Variants in NECAP1 observed in about 807,000 individuals in gnomAD.
NECAP1 encodes adaptin ear-binding coat-associated protein 1.
In NECAP1, 13 loss-of-function variants were observed where a neutral mutation model predicts 33.4. The observed-to-expected ratio is 0.39, with a 90% CI of 0.25 to 0.62. The LOEUF (loss-of-function observed/expected upper bound fraction) is 0.62. Ranked by LOEUF, NECAP1 falls within the 20% of genes least tolerant of loss-of-function variation. The pLI, the probability that NECAP1 is intolerant of heterozygous loss-of-function variation, is 0.52. For missense variants in NECAP1, 272 were observed against 347.4 expected (o/e 0.78, Z 1.73); for synonymous variants, 109 against 125.2 (o/e 0.87, Z 0.86).
In NECAP1 at chr12:8,092,910, G is replaced by C; in HGVS notation, c.531G>C (p.Arg177Ser). The C allele has an allele frequency of 6.3e-7, 1 of 1,584,696 alleles. No homozygotes were observed. Among genetic ancestry groups the C allele is most frequent in the Non-Finnish European group, 8.6e-7 (1 of 1,166,956 alleles). ...TNKKGGASKPRTARGGGLSLL... is the reference protein window; with the variant it reads ...TNKKGGASKPSTARGGGLSLL... Reference sequence around the variant, plus strand: ...AGAAAGGAGGTGCTTCTAAGCCCAGGACTGCAAGGGGTGGGGGTCTGAGCT... The same window carrying C: ...AGAAAGGAGGTGCTTCTAAGCCCAGCACTGCAAGGGGTGGGGGTCTGAGCT... The change falls in exon 6 of 8, where the codon AGG (arginine) becomes AGC (serine). Residue 177 changes from arginine (R) to serine (S), a missense_variant. Coordinates refer to ENST00000339754, the MANE Select transcript of NECAP1 (RefSeq NM_015509.4).
Position 8,086,928 on chromosome 12 carries a change from T to TACACACACAC in NECAP1, c.96-2984_96-2975dup, listed in dbSNP as rs140539415. Among the ~76,000 whole-genome samples the TACACACACAC allele has an allele frequency of 1.5e-3, 222 of 143,836 alleles. 1 individual carries two copies. Among genetic ancestry groups the TACACACACAC allele is most frequent in the African/African-American group, 3.2e-3 (124 of 38,354 alleles). 94.4% of individuals were successfully genotyped at this position (143,836 alleles called of 152,430 possible). A position where few individuals can be genotyped will look rare whatever the true frequency, so the allele number is the denominator to read the frequency against. On this transcript the variant is annotated intron_variant, in intron 1 of 7. Coordinates refer to ENST00000339754, the MANE Select transcript of NECAP1 (RefSeq NM_015509.4). ...CCTGGGTGGAAGAGTGAGACTCTATTACACACACACACACACACACACACA... is the reference window on the plus strand; with the variant it reads ...CCTGGGTGGAAGAGTGAGACTCTATTACACACACACACACACACACACACACACACACACA...
intron 4 of NECAP1, 73 bp from the exon 5 acceptor site, chr12:8,092,603 T>A: frequency 9.1e-7 from 1 of 1,098,370 alleles, no homozygotes; most frequent in African/African-American, 1.6e-5. Context: ...TAAAAGTAAA[T>A]ACACCCAAAT....
At position 8,091,758 on chromosome 12, in the gene NECAP1, G is replaced by T. The variant is rs765403528; in HGVS notation, c.302-11G>T. ...ATACTTCCTAGTCGAGTCTTCCTAC[G>T]TTTTCCACAGGGCGCAGTGCTTTCA... is the stretch of plus-strand genomic sequence containing the variant. On this transcript the variant is annotated splice_polypyrimidine_tract_variant and intron_variant, in intron 3 of 7. Coordinates refer to ENST00000339754, the MANE Select transcript of NECAP1 (RefSeq NM_015509.4). 15 of 1,613,540 alleles carry T rather than the reference G, an allele frequency of 9.3e-6. No individual in the cohort carries two copies. The Admixed American group carries it at 2.3e-4, about 25-fold the overall frequency.
chr12:8,093,043 G>A lies in NECAP1; in HGVS notation c.664G>A (p.Gly222Ser). The change falls in exon 6 of 8, where the codon GGC becomes AGC. Residue 222 changes from glycine to serine, a missense_variant. Coordinates refer to ENST00000339754, the MANE Select transcript of NECAP1 (RefSeq NM_015509.4). ...ACCCATTCCGAAATCTAACCATGGA[G>A]GCAGTGATGCAGGTAAATCTAGTAC... ...PPPIPKSNHGGSDADILLDLD... is the reference protein window; with the variant it reads ...PPPIPKSNHGSSDADILLDLD... 1.9e-6 allele frequency: 3 copies of A among 1,613,966 alleles called. No homozygotes were observed. Among genetic ancestry groups the A allele is most frequent in the East Asian group, 2.2e-5 (1 of 44,872 alleles).
At chr12:8,094,117 A>T (rs777054319) in intron 6 of NECAP1, among the ~76,000 whole-genome samples, 15 of 152,344 alleles carry the variant, frequency 9.8e-5, no homozygotes, top group African/African-American at 3.6e-4. Context: ...TTGATTACTA[A>T]GGGTAAGCTT....
intron 1 of NECAP1, among the ~76,000 whole-genome samples, chr12:8,085,659 C>T (rs985897005): frequency 2.7e-5 from 4 of 146,094 alleles, no homozygotes; most frequent in Non-Finnish European, 4.5e-5. Flanking sequence ...ACAATACTTA[C>T]CTTGTAGGAT....
At chr12:8,090,726 T>G (rs1171027793) in intron 3 of NECAP1, 1 of 159,318 alleles carries the variant, frequency 6.3e-6, no homozygotes, top group Non-Finnish European at 1.4e-5. Context: ...GAGAATCACT[T>G]GAATTGGGGA....
At chr12:8,087,818 G>A (rs1313169128) in intron 1 of NECAP1, among the ~76,000 whole-genome samples, 1 of 152,122 alleles carries the variant, frequency 6.6e-6, no homozygotes, top group African/African-American at 2.4e-5. Flanking sequence ...GTACTTGAGG[G>A]TCTTTGAGGG....
In NECAP1 at chr12:8,090,159, T is replaced by G. The variant is rs147953194; in HGVS notation, c.197-36T>G. ...TTAATTGGGGTTCTGGATTTTGGCT[T>G]GCTTTACTCAAAAAAGTCTTTCTCT... is the stretch of plus-strand genomic sequence containing the variant. On this transcript the variant is annotated intron_variant, in intron 2 of 7. Transcript: ENST00000339754. The G allele has an allele frequency of 2.0e-5, 33 of 1,610,950 alleles. No homozygotes were observed. The African/African-American group carries it at 4.1e-4, about 20-fold the overall frequency.
chr12:8,089,952 T>G lies in NECAP1; in HGVS notation c.112T>G (p.Leu38Val). The G allele has an allele frequency of 6.2e-7, 1 of 1,614,160 alleles. No homozygotes were observed. Among genetic ancestry groups the G allele is most frequent in the Non-Finnish European group, 8.5e-7 (1 of 1,180,004 alleles). Residue 38 changes from leucine to valine, a missense_variant, in exon 2 of 8, where the codon TTA becomes GTA. Leu to Val is a conservative substitution (Grantham distance 32). Coordinates refer to ENST00000339754, the MANE Select transcript of NECAP1 (RefSeq NM_015509.4). ...CTGTCCTAGGGCCTCTGACTGGAAA[T>G]TAGACCAGCCTGATTGGACTGGTCG... ...NRGYRASDWK[L>V]DQPDWTGRLR...
intron 6 of NECAP1, chr12:8,093,305 G>C: frequency 2.1e-6 from 1 of 465,800 alleles, no homozygotes; most frequent in Non-Finnish European, 3.7e-6. Flanking sequence ...TTGGTTAGAT[G>C]CTTATAAGCT....
chr12:8,095,872 A>G (rs1417401083), intron 7 of NECAP1, 169 bp downstream of exon 7: 2 of 1,095,316 alleles, frequency 1.8e-6, no homozygotes, highest in African/African-American at 1.6e-5. Context: ...GGGACAAAAA[A>G]GCTGTAGGAT....
chr12:8,082,798 A>T (rs1263880194), intron 1 of NECAP1: 6 of 161,536 alleles, frequency 3.7e-5, no homozygotes, highest in African/African-American at 4.9e-5. Flanking sequence ...ACACACACAC[A>T]CACACACACA....
In NECAP1 at chr12:8,095,590, C is replaced by T; in HGVS notation, c.677-11C>T. On this transcript the variant is annotated splice_polypyrimidine_tract_variant and intron_variant, in intron 6 of 7. Transcript: ENST00000339754. Reference sequence around the variant, plus strand: ...ATGTTTTTCTTTTTTCTTTTCTTACCTTGTGTTTAGATATCCTTTTAGATT... The same window carrying T: ...ATGTTTTTCTTTTTTCTTTTCTTACTTTGTGTTTAGATATCCTTTTAGATT... The T allele has an allele frequency of 6.3e-7, 1 of 1,596,618 alleles. No individual in the cohort carries two copies. The highest frequency in any genetic ancestry group is 8.6e-7 in the Non-Finnish European group (1 of 1,165,284).
In NECAP1 at chr12:8,082,757, T is replaced by TTCTCTC. The variant is rs144432288; in HGVS notation, c.95+387_95+392dup. 5.8e-3 allele frequency: 784 copies of TTCTCTC among 136,346 alleles called. 16 individuals are homozygous for TTCTCTC. The highest frequency in any genetic ancestry group is 0.023 in the South Asian group (132 of 5,726). The allele number at this position is 136,346 out of a possible 1,614,324, so 8.4% of individuals were successfully genotyped here. ...TCCTTCAGCTTATCATCCTCATCCT[T>TTCTCTC]TCTCTCTCTCTCTCTCTCACACACA... On this transcript the variant is annotated intron_variant, in intron 1 of 7. Coordinates refer to ENST00000339754, the MANE Select transcript of NECAP1 (RefSeq NM_015509.4).
At chr12:8,083,082 C>G (rs1947456067) in intron 1 of NECAP1, 1 of 152,226 alleles carries the variant, frequency 6.6e-6, no homozygotes, top group African/African-American at 2.4e-5. Flanking sequence ...TTAACCTCTC[C>G]TACACCTTTT....
In NECAP1 at chr12:8,086,608, C is replaced by T. The variant is rs184682736; in HGVS notation, c.96-3328C>T. ...CAGCCTAGGCGACAGAGCAGGACTGCGTCTCAAAACAAACAAAAAGGAAAC... is the reference window on the plus strand; with the variant it reads ...CAGCCTAGGCGACAGAGCAGGACTGTGTCTCAAAACAAACAAAAAGGAAAC... On this transcript the variant is annotated intron_variant, in intron 1 of 7. Transcript: ENST00000339754. Among the ~76,000 whole-genome samples the T allele has an allele frequency of 1.0e-3, 159 of 151,824 alleles. 1 individual carries two copies. Among genetic ancestry groups the T allele is most frequent in the African/African-American group, 3.5e-3 (146 of 41,386 alleles).
At chr12:8,083,167 C>CT (rs1380714454) in intron 1 of NECAP1, among the ~76,000 whole-genome samples, 3 of 151,990 alleles carry the variant, frequency 2.0e-5, no homozygotes, top group Non-Finnish European at 4.4e-5. Context: ...CTGTGAGGTT[C>CT]TGAGGATGCT....
At chr12:8,091,043 C>T (rs1404162927) in intron 3 of NECAP1, 5 of 152,512 alleles carry the variant, frequency 3.3e-5, no homozygotes, top group Admixed American at 3.3e-4. Flanking sequence ...AATATGTAAA[C>T]ACATTGATAC....
Sources: gnomAD v4.1 joint callset for allele counts (sites outside exome capture counted in the v4.1 genomes callset) on GRCh38, gnomAD v4.1.1 for gene constraint, MANE v1.5 for transcripts, NCBI Gene and HGNC (gene_info 2026-07-23, HGNC 2026-07-21) for gene names.